Variants in EPRS1 observed in about 807,000 individuals in gnomAD.
EPRS1 encodes the protein bifunctional glutamate/proline--tRNA ligase.
A neutral mutation model predicts 188.3 loss-of-function variants in EPRS1; 107 were observed. The ratio of observed to expected loss-of-function variants is 0.57; its 90% CI spans 0.49 to 0.67. EPRS1 has a LOEUF of 0.67. Ranked by LOEUF, EPRS1 falls within the 30% of genes least tolerant of loss-of-function variation. The pLI is 0.00. For synonymous variants in EPRS1, 596 were observed against 593.1 expected (o/e 1.00, Z -0.07); for missense variants, 1,577 against 1,802.2 (o/e 0.88, Z 2.26).
At chr1:220,041,385 C>T (rs1375201791) in intron 1 of EPRS1, among the ~76,000 whole-genome samples, 1 of 151,680 alleles carries the variant, frequency 6.6e-6, no homozygotes, top group Non-Finnish European at 1.5e-5. Flanking sequence ...AGGAAAGTAA[C>T]GCTTAAAGGA....
chr1:219,988,161 C>T (rs939139044), intron 19 of EPRS1, among the ~76,000 whole-genome samples: 3 of 152,142 alleles, frequency 2.0e-5, no homozygotes, highest in South Asian at 2.1e-4. Flanking sequence ...AGAATTCACA[C>T]TTAAAGAACT....
chr1:220,002,232 T>C (rs1337450511), intron 16 of EPRS1, among the ~76,000 whole-genome samples: 1 of 151,460 alleles, frequency 6.6e-6, no homozygotes, highest in Non-Finnish European at 1.5e-5. Context: ...CTTTGGAGGC[T>C]GGGGCAGGAG....
At chr1:220,029,980 A>C (rs1355859620) in intron 6 of EPRS1, among the ~76,000 whole-genome samples, 1 of 152,220 alleles carries the variant, frequency 6.6e-6, no homozygotes, top group Non-Finnish European at 1.5e-5. Flanking sequence ...TTGGGGAAAA[A>C]AAATAACTTA....
intron 6 of EPRS1, among the ~76,000 whole-genome samples, 170 bp from the exon 7 acceptor site, chr1:220,025,428 GA>G (rs11340220): frequency 0.86 from 127,923 of 148,232 alleles, 55,450 homozygotes; most frequent in African/African-American, 0.96. Flanking sequence ...ACCCTGACAG[GA>G]AAAAAAAAAA....
chr1:220,032,637 G>T, intron 4 of EPRS1, 111 bp from the exon 5 acceptor site: 2 of 1,077,128 alleles, frequency 1.9e-6, no homozygotes, highest in Non-Finnish European at 1.4e-6. Flanking sequence ...TGCTTCTAAA[G>T]AAAATGAAAT....
chr1:220,040,850 TAA>T (rs61548054), intron 1 of EPRS1, among the ~76,000 whole-genome samples: 3 of 141,032 alleles, frequency 2.1e-5, no homozygotes, highest in African/African-American at 5.3e-5. Flanking sequence ...AACTGCGTCT[TAA>T]AAAAAAAAAA....
At chr1:219,971,784 C>CA (rs1553317945) in intron 30 of EPRS1, among the ~76,000 whole-genome samples, 1 of 58,468 alleles carries the variant, frequency 1.7e-5, no homozygotes, top group Non-Finnish European at 3.9e-5. Flanking sequence ...AAAACAAAGA[C>CA]TATATATATA....
rs968682155 is a variant in EPRS1, at chr1:219,969,205, A to G, written c.4324-83T>C. 2.9e-5 allele frequency: 29 copies of G among 1,001,386 alleles called. No homozygotes were observed. In the East Asian group the frequency reaches 6.7e-4, roughly 23 times the overall value. 62.0% of individuals were successfully genotyped at this position (1,001,386 alleles called of 1,614,324 possible). On this transcript the variant is annotated intron_variant, in intron 30 of 31. Transcript: ENST00000366923. The stretch of plus-strand genomic sequence containing the variant: ...GAAGGAACATTTGAGTTCTATATTA[A>G]ACTGGCAAGCAAAAAGGATAGGTCT...
chr1:220,013,603 C>T (rs1209702354), intron 12 of EPRS1, among the ~76,000 whole-genome samples: 1 of 152,170 alleles, frequency 6.6e-6, no homozygotes, highest in Non-Finnish European at 1.5e-5. Flanking sequence ...TACTTCACAA[C>T]TCCACGGCGC....
At chr1:219,992,039 G>C (rs1353168590) in intron 18 of EPRS1, among the ~76,000 whole-genome samples, 1 of 152,122 alleles carries the variant, frequency 6.6e-6, no homozygotes, top group Non-Finnish European at 1.5e-5. Context: ...GAAAAAGATA[G>C]GCTTTTTTCT....
intron 12 of EPRS1, among the ~76,000 whole-genome samples, chr1:220,013,882 G>A (rs567426829): frequency 6.6e-5 from 10 of 152,196 alleles, no homozygotes; most frequent in South Asian, 2.1e-4. Context: ...TTTTAAAGAC[G>A]GTGTTTAATG....
chr1:219,996,108 A>G lies in EPRS1; in HGVS notation c.2541+875T>C, dbSNP rs566860056. Among the ~76,000 whole-genome samples, 3 of 152,346 alleles carry G rather than the reference A, an allele frequency of 2.0e-5. No homozygotes were observed. In the East Asian group the frequency reaches 5.8e-4, roughly 29 times the overall value. On this transcript the variant is annotated intron_variant, in intron 18 of 31. Transcript: ENST00000366923. ...GAACTACATACCTTCATTATTAAATACGATCTTTCACAGTCTATACAGATG... is the reference window on the plus strand; with the variant it reads ...GAACTACATACCTTCATTATTAAATGCGATCTTTCACAGTCTATACAGATG...
chr1:220,007,158 A>G, intron 14 of EPRS1, 44 bp downstream of exon 14: 1 of 1,521,440 alleles, frequency 6.6e-7, no homozygotes, highest in Non-Finnish European at 9.0e-7. Flanking sequence ...CAAATAAAAT[A>G]CTTTTCTCCT....
intron 17 of EPRS1, among the ~76,000 whole-genome samples, chr1:219,998,062 G>A (rs753592161): frequency 5.3e-5 from 8 of 152,122 alleles, no homozygotes; most frequent in Admixed American, 1.3e-4. Flanking sequence ...CTGCTGCCTA[G>A]ACTGCATTCT....
At chr1:220,020,677 A>G (rs1364734616) in intron 9 of EPRS1, among the ~76,000 whole-genome samples, 11 of 133,548 alleles carry the variant, frequency 8.2e-5, no homozygotes, top group Non-Finnish European at 1.4e-4. Context: ...ACACTCAAAA[A>G]CAGTGCTCCA....
At chr1:220,007,417 T>G in intron 13 of EPRS1, 79 bp from the exon 14 acceptor site, 1 of 1,417,350 alleles carries the variant, frequency 7.1e-7, no homozygotes, top group Non-Finnish European at 9.7e-7. Context: ...ACATTCATTC[T>G]ATTCTTTAAC....
At chr1:220,006,409 AATTT>A (rs1217852638) in intron 14 of EPRS1, 96 bp from the exon 15 acceptor site, 7 of 360,650 alleles carry the variant, frequency 1.9e-5, no homozygotes, top group Middle Eastern at 9.0e-4. Flanking sequence ...ATTATAAAAT[AATTT>A]ATTGTTTTAT....
chr1:220,046,322 T>G (rs1412384546), intron 1 of EPRS1, 21 bp downstream of exon 1: 2 of 1,613,898 alleles, frequency 1.2e-6, no homozygotes, highest in Admixed American at 3.3e-5. Flanking sequence ...CCCACACAGG[T>G]CATTGGTCTC....
chr1:220,041,579 G>A (rs1344834283), intron 1 of EPRS1, among the ~76,000 whole-genome samples: 2 of 152,056 alleles, frequency 1.3e-5, no homozygotes, highest in East Asian at 1.9e-4. Flanking sequence ...AGTGGTTCAC[G>A]CCTATAATCC....
Sources: gnomAD v4.1 joint callset for allele counts (sites outside exome capture counted in the v4.1 genomes callset) on GRCh38, gnomAD v4.1.1 for gene constraint, MANE v1.5 for transcripts, NCBI Gene and HGNC (gene_info 2026-07-23, HGNC 2026-07-21) for gene names.